The following ZDHHC14 variants were observed in gnomAD, a reference collection of about 807,000 sequenced individuals.
ZDHHC14 encodes zDHHC palmitoyltransferase 14, also known as palmitoyltransferase ZDHHC14.
A neutral mutation model predicts 47.7 loss-of-function variants in ZDHHC14; 16 were observed. That is an observed-to-expected ratio of 0.34 (90% CI 0.23 to 0.51). The LOEUF (loss-of-function observed/expected upper bound fraction) is 0.51. Ranked by LOEUF, ZDHHC14 falls within the 20% of genes least tolerant of loss-of-function variation. The pLI is 0.97. For missense variants in ZDHHC14, 515 were observed against 662.5 expected, an observed-to-expected ratio of 0.78 and a Z score of 2.44; for synonymous variants, 293 against 278.9, an observed-to-expected ratio of 1.05 and a Z score of -0.50.
intron 8 of ZDHHC14, 65 bp downstream of exon 8, chr6:157,653,692 C>T (rs1777948654): frequency 1.3e-6 from 2 of 1,512,656 alleles, no homozygotes; most frequent in African/African-American, 1.4e-5. Context: ...ACTAACAGGC[C>T]ACCAAGCAGC....
chr6:157,619,371 G>T (rs1785092893), intron 3 of ZDHHC14, among the ~76,000 whole-genome samples: 1 of 152,080 alleles, frequency 6.6e-6, no homozygotes, highest in African/African-American at 2.4e-5. Context: ...AGCCTGGGTG[G>T]CAGAGCGAGA....
chr6:157,539,874 T>C (rs1781682257), intron 1 of ZDHHC14, among the ~76,000 whole-genome samples: 1 of 150,034 alleles, frequency 6.7e-6, no homozygotes, highest in Admixed American at 6.6e-5. Flanking sequence ...TTTCATTTGC[T>C]TAAATGGCAC....
chr6:157,390,376 T>C (rs1050301551), intron 1 of ZDHHC14, among the ~76,000 whole-genome samples: 3 of 152,322 alleles, frequency 2.0e-5, no homozygotes, highest in Admixed American at 6.5e-5. Flanking sequence ...CTATGTATGG[T>C]TTTCTTTACA....
chr6:157,521,117 C>T (rs1233046237), intron 1 of ZDHHC14, among the ~76,000 whole-genome samples: 1 of 152,174 alleles, frequency 6.6e-6, no homozygotes, highest in Non-Finnish European at 1.5e-5. Flanking sequence ...TTATTGAAAG[C>T]CGGCCTGGAG....
At chr6:157,588,388 G>A (rs903885367) in intron 2 of ZDHHC14, among the ~76,000 whole-genome samples, 1 of 152,190 alleles carries the variant, frequency 6.6e-6, no homozygotes, top group Non-Finnish European at 1.5e-5. Flanking sequence ...GAGCCTGGGA[G>A]GTCAAGGCTA....
At chr6:157,567,132 G>A (rs146172089) in intron 2 of ZDHHC14, among the ~76,000 whole-genome samples, 5,538 of 152,104 alleles carry the variant, frequency 0.036, 138 homozygotes, top group Non-Finnish European at 0.056. Context: ...GATTACACGC[G>A]TGACCCAGCA....
chr6:157,410,834 T>C (rs1043989977), intron 1 of ZDHHC14, among the ~76,000 whole-genome samples: 26 of 152,230 alleles, frequency 1.7e-4, no homozygotes, highest in African/African-American at 6.0e-4. Context: ...GTAGCTGGGA[T>C]TACAGGCACA....
chr6:157,394,863 A>G (rs1483604650), intron 1 of ZDHHC14, among the ~76,000 whole-genome samples: 4 of 152,134 alleles, frequency 2.6e-5, no homozygotes, highest in Non-Finnish European at 5.9e-5. Flanking sequence ...ATGTGTGACC[A>G]ACAACACTAA....
intron 1 of ZDHHC14, among the ~76,000 whole-genome samples, chr6:157,423,970 A>G (rs1028914691): frequency 6.6e-6 from 1 of 152,248 alleles, no homozygotes. Context: ...AACAAAGCCC[A>G]GCCTGGCAGG....
intron 1 of ZDHHC14, among the ~76,000 whole-genome samples, chr6:157,493,359 C>T (rs1034710672): frequency 3.9e-5 from 6 of 152,196 alleles, no homozygotes; most frequent in African/African-American, 1.2e-4. Context: ...GGCACAGGCC[C>T]GGGCTCCAGG....
chr6:157,609,242 C>A (rs1784663304), intron 3 of ZDHHC14, among the ~76,000 whole-genome samples: 1 of 152,162 alleles, frequency 6.6e-6, no homozygotes, highest in Non-Finnish European at 1.5e-5. Flanking sequence ...CAGAGCTGAG[C>A]ACTGCCTGTG....
chr6:157,460,405 GAAAAAAAAAAAAAAAAAAA>G (rs1164382844), intron 1 of ZDHHC14, among the ~76,000 whole-genome samples: 4 of 43,388 alleles, frequency 9.2e-5, no homozygotes, highest in African/African-American at 3.8e-4. Context: ...TCTCTCTCTG[GAAAAAAAAAAAAAAAAAAA>G]AAAAAAAAAA....
At chr6:157,527,026 C>T (rs139613832) in intron 1 of ZDHHC14, among the ~76,000 whole-genome samples, 2,093 of 152,250 alleles carry the variant, frequency 0.014, 59 homozygotes, top group African/African-American at 0.047. Flanking sequence ...TTACGTACCT[C>T]CCCTCCTAAG....
intron 1 of ZDHHC14, 72 bp from the exon 2 acceptor site, chr6:157,542,513 C>G: frequency 6.5e-7 from 1 of 1,531,852 alleles, no homozygotes; most frequent in African/African-American, 1.4e-5. Context: ...ATAAAGACTG[C>G]TTACTGTTGA....
At chr6:157,449,317 A>C (rs1778749334) in intron 1 of ZDHHC14, among the ~76,000 whole-genome samples, 3 of 152,172 alleles carry the variant, frequency 2.0e-5, no homozygotes, top group Non-Finnish European at 4.4e-5. Context: ...GGGAAAGAGA[A>C]TACTATACGC....
At chr6:157,636,017 C>G (rs1470491763) in intron 5 of ZDHHC14, among the ~76,000 whole-genome samples, 1 of 152,142 alleles carries the variant, frequency 6.6e-6, no homozygotes, top group Non-Finnish European at 1.5e-5. Flanking sequence ...TGCAGGAGTT[C>G]CCGGCACCTC....
rs1172605081 is a variant in ZDHHC14, at chr6:157,570,778, T to TAC, written c.407-22209_407-22208insCA. Among the ~76,000 whole-genome samples the TAC allele has an allele frequency of 1.5e-3, 230 of 151,424 alleles. 1 individual carries two copies. The highest frequency in any genetic ancestry group is 5.3e-3 in the African/African-American group (218 of 41,230). On this transcript the variant is annotated intron_variant, in intron 2 of 8. Transcript: ENST00000359775. ...ATACACACACACACACACATATATA[T>TAC]ATACACACACACACACATATATATA... is the stretch of plus-strand genomic sequence containing the variant.
intron 1 of ZDHHC14, among the ~76,000 whole-genome samples, chr6:157,421,553 G>C (rs1778106032): frequency 6.7e-6 from 1 of 148,944 alleles, no homozygotes; most frequent in Non-Finnish European, 1.5e-5. Context: ...TGTGCTTTGA[G>C]AGCCTTAATG....
At chr6:157,496,928 C>T (rs1186168931) in intron 1 of ZDHHC14, among the ~76,000 whole-genome samples, 2 of 152,196 alleles carry the variant, frequency 1.3e-5, no homozygotes, top group African/African-American at 4.8e-5. Context: ...CTCTCCTCTT[C>T]CTCTCTGCTT....
Sources: gnomAD v4.1 joint callset for allele counts (sites outside exome capture counted in the v4.1 genomes callset) on GRCh38, gnomAD v4.1.1 for gene constraint, MANE v1.5 for transcripts, NCBI Gene and HGNC (gene_info 2026-07-23, HGNC 2026-07-21) for gene names.